ASH1L: variants seen among roughly 807,000 people sequenced by gnomAD.
The protein encoded by ASH1L is ASH1 like histone lysine methyltransferase, also known as histone-lysine N-methyltransferase ASH1L.
Under a neutral mutation model 269.0 loss-of-function variants are expected in ASH1L, and 23 were observed. The observed-to-expected ratio is 0.09, with a 90% CI of 0.06 to 0.12. ASH1L has a LOEUF of 0.12. Among genes scored for constraint, ASH1L ranks in the 10% least tolerant of loss-of-function variants. The pLI, the probability that ASH1L is intolerant of heterozygous loss-of-function variation, is 1.00. For synonymous variants in ASH1L, 1,187 were observed against 1,253.5 expected (o/e 0.95, Z 1.12); for missense variants, 2,912 against 3,567.8 (o/e 0.82, Z 4.68).
chr1:155,395,253 C>A (rs1015719478), intron 7 of ASH1L, among the ~76,000 whole-genome samples: 11 of 152,034 alleles, frequency 7.2e-5, no homozygotes, highest in Non-Finnish European at 1.3e-4. Flanking sequence ...TATTAAGGCT[C>A]CAATGAACAA....
chr1:155,462,916 T>G (rs977826426), intron 3 of ASH1L, among the ~76,000 whole-genome samples: 7 of 152,142 alleles, frequency 4.6e-5, no homozygotes, highest in African/African-American at 1.4e-4. Context: ...ACAGAGGCAG[T>G]AAGAAGATGA....
intron 10 of ASH1L, among the ~76,000 whole-genome samples, chr1:155,375,096 G>A (rs774723741): frequency 2.0e-5 from 3 of 152,074 alleles, no homozygotes; most frequent in Non-Finnish European, 4.4e-5. Context: ...TTACAGACGT[G>A]AGCCACTGTG....
At chr1:155,424,878 T>C (rs1392784163) in intron 5 of ASH1L, among the ~76,000 whole-genome samples, 3 of 152,018 alleles carry the variant, frequency 2.0e-5, no homozygotes, top group Admixed American at 1.3e-4. Context: ...TGATGTTGGC[T>C]CACTGCAACC....
chr1:155,434,626 GAGGA>G (rs1661930438), intron 5 of ASH1L, among the ~76,000 whole-genome samples: 1 of 152,142 alleles, frequency 6.6e-6, no homozygotes, highest in African/African-American at 2.4e-5. Context: ...GCCGAGGCGG[GAGGA>G]TCATCAGGTC....
chr1:155,426,359 C>T (rs1305475050), intron 5 of ASH1L, among the ~76,000 whole-genome samples: 9 of 152,056 alleles, frequency 5.9e-5, no homozygotes, highest in Admixed American at 2.6e-4. Flanking sequence ...CATGAGCCAC[C>T]GCACCCAGCT....
rs1176855909 is a variant in ASH1L, at chr1:155,481,234, G to A, written c.1636C>T (p.Pro546Ser). The A allele has an allele frequency of 6.2e-7, 1 of 1,614,078 alleles. No homozygotes were observed. Among genetic ancestry groups the A allele is most frequent in the East Asian group, 2.2e-5 (1 of 44,874 alleles). The change falls in exon 3 of 28, where the codon CCA (proline) becomes TCA (serine). Residue 546 changes from proline (P) to serine (S), a missense_variant. This residue lies in a region of ASH1L where 715 missense variants were observed against 721.0 expected (regional missense o/e 0.99). Transcript: ENST00000392403. ...TTGCTTTCTCCTACTGCACTGAATG[G>A]GGATTTAGCGGTAGATACATCAGAA... Reference protein sequence around the residue: ...GASDVSTAKSPFSAVGESNLP... With the variant: ...GASDVSTAKSSFSAVGESNLP...
intron 2 of ASH1L, among the ~76,000 whole-genome samples, chr1:155,517,862 G>A (rs60414176): frequency 4.3e-4 from 60 of 138,390 alleles, no homozygotes; most frequent in Admixed American, 8.1e-4. Context: ...GTGCAGTGGC[G>A]GGATCTCGGC....
chr1:155,359,550 C>T (rs1654750198), intron 13 of ASH1L, among the ~76,000 whole-genome samples: 1 of 152,124 alleles, frequency 6.6e-6, no homozygotes, highest in Non-Finnish European at 1.5e-5. Flanking sequence ...GCCGGGATTA[C>T]AGGCGCGAGC....
In ASH1L at chr1:155,352,816, G is replaced by C. The variant is rs1654049836; in HGVS notation, c.7256C>G (p.Ser2419Cys). The C allele has an allele frequency of 6.2e-7, 1 of 1,613,762 alleles. No homozygotes were observed. Residue 2419 changes from serine (S) to cysteine (C), a missense_variant, in exon 17 of 28, where the codon TCT (serine) becomes TGT (cysteine). Physicochemically the swap from Ser to Cys is moderately radical, Grantham distance 112 (BLOSUM62 -1). Coordinates refer to ENST00000392403, the MANE Select transcript of ASH1L (RefSeq NM_018489.3). ...TQFSALQTAR[S>C]VRTRRLAAAE... ...AGCTGCCAACCGTCTTGTTCGAACAGATCGAGCTGTCTGCAGGGCAGAGAA... is the reference window on the plus strand; with the variant it reads ...AGCTGCCAACCGTCTTGTTCGAACACATCGAGCTGTCTGCAGGGCAGAGAA...
At chr1:155,508,343 T>C (rs1667946902) in intron 2 of ASH1L, among the ~76,000 whole-genome samples, 1 of 152,176 alleles carries the variant, frequency 6.6e-6, no homozygotes, top group African/African-American at 2.4e-5. Flanking sequence ...AAACCTGCTA[T>C]AAAATTAATA....
intron 2 of ASH1L, among the ~76,000 whole-genome samples, chr1:155,487,607 G>A (rs545958877): frequency 2.0e-5 from 3 of 151,884 alleles, no homozygotes; most frequent in Admixed American, 2.0e-4. Context: ...GGCTAATCTC[G>A]AACTCCGGGG....
chr1:155,338,923 C>T (rs547541521), intron 26 of ASH1L, among the ~76,000 whole-genome samples: 4 of 152,212 alleles, frequency 2.6e-5, no homozygotes, highest in African/African-American at 9.6e-5. Flanking sequence ...ATAATCCTCA[C>T]GTACAAAATA....
At chr1:155,489,398 C>T (rs1205360634) in intron 2 of ASH1L, among the ~76,000 whole-genome samples, 4 of 149,956 alleles carry the variant, frequency 2.7e-5, no homozygotes, top group Non-Finnish European at 4.4e-5. Flanking sequence ...CACTAGAACT[C>T]GGGAGGCAGA....
intron 15 of ASH1L, among the ~76,000 whole-genome samples, chr1:155,356,497 TG>T (rs1373554601): frequency 6.6e-6 from 1 of 151,434 alleles, no homozygotes; most frequent in Non-Finnish European, 1.5e-5. Flanking sequence ...TAGCCAGGCG[TG>T]GTGGCACGTG....
At chr1:155,355,776 T>A (rs1434221350) in intron 15 of ASH1L, among the ~76,000 whole-genome samples, 3 of 152,142 alleles carry the variant, frequency 2.0e-5, no homozygotes, top group African/African-American at 7.2e-5. Context: ...TAAATAAAGA[T>A]AAACTTTCAA....
chr1:155,521,211 C>T lies in ASH1L; in HGVS notation c.309G>A (p.Leu103=). 4 of 1,614,122 alleles carry T rather than the reference C, an allele frequency of 2.5e-6. No homozygotes were observed. The highest frequency in any genetic ancestry group is 3.4e-6 in the Non-Finnish European group (4 of 1,180,014). The part of the protein sequence containing the change: ...AKRTKKPPKN[L]ENYVCRPAIK... ...TGGCAGGTCGACATACATAGTTCTC[C>T]AAGTTCTTTGGAGGTTTTTTAGTTC... Residue 103 remains leucine (L), a synonymous_variant, in exon 2 of 28, where the codon TTG becomes TTA. Transcript: ENST00000392403.
intron 21 of ASH1L, among the ~76,000 whole-genome samples, chr1:155,345,474 C>A (rs889148139): frequency 1.3e-5 from 2 of 151,426 alleles, no homozygotes; most frequent in Non-Finnish European, 2.9e-5. Flanking sequence ...TGAGCCACTG[C>A]GCCCGGCCGA....
intron 4 of ASH1L, among the ~76,000 whole-genome samples, chr1:155,444,304 T>C (rs1415726047): frequency 6.6e-6 from 1 of 152,066 alleles, no homozygotes; most frequent in Non-Finnish European, 1.5e-5. Context: ...ATCAACTAAT[T>C]GTATGTTTAA....
At position 155,386,028 on chromosome 1, in the gene ASH1L, G is replaced by T. The variant is rs72704163; in HGVS notation, c.6104-5912C>A. ...GGAGAGACATATGATTGTTGGCCAC[G>T]TATATGTCTTTTGAGAAGTGTCTGT... On this transcript the variant is annotated intron_variant, in intron 7 of 27. Coordinates refer to ENST00000392403, the MANE Select transcript of ASH1L (RefSeq NM_018489.3). 8.1e-4 allele frequency among the ~76,000 whole-genome samples: 123 copies of T among 151,814 alleles called. 1 individual carries two copies. The highest frequency in any genetic ancestry group is 1.3e-4 in the Non-Finnish European group (9 of 67,964).
Sources: gnomAD v4.1 joint callset for allele counts (sites outside exome capture counted in the v4.1 genomes callset) on GRCh38, gnomAD v4.1.1 for gene constraint, gnomAD v4.1.1 regional missense constraint, MANE v1.5 for transcripts, NCBI Gene and HGNC (gene_info 2026-07-23, HGNC 2026-07-21) for gene names.